The following RNLS variants were observed in gnomAD, a reference collection of about 807,000 sequenced individuals.
The protein encoded by RNLS is renalase.
RNLS carries 39 observed loss-of-function variants against 39.8 expected under a neutral mutation model. The ratio of observed to expected loss-of-function variants is 0.98; its 90% confidence interval spans 0.76 to 1.28. RNLS has a LOEUF of 1.28. Ranked by LOEUF, RNLS falls within the 50% of genes most tolerant of loss-of-function variation. The pLI is 0.00. For missense variants in RNLS, 410 were observed against 413.3 expected (o/e 0.99, Z 0.07); for synonymous variants, 147 against 150.7 (o/e 0.98, Z 0.18).
intron 3 of RNLS, 42 bp from the exon 4 acceptor site, chr10:88,573,103 A>G (rs1389318016): frequency 6.3e-7 from 1 of 1,593,786 alleles, no homozygotes; most frequent in Admixed American, 1.7e-5. Context: ...TCAGAATTGC[A>G]TATATGAATA....
chr10:88,295,001 A>G (rs1843975154), intron 6 of RNLS, among the ~76,000 whole-genome samples: 1 of 152,046 alleles, frequency 6.6e-6, no homozygotes, highest in Non-Finnish European at 1.5e-5. Context: ...ACTCTATCCC[A>G]GTTCCTGAGC....
At position 88,525,660 on chromosome 10, in the gene RNLS, T is replaced by C. The variant is rs370666677; in HGVS notation, c.526+47243A>G. ...CACAGTATCTTAGTAAATTAGATAT[T>C]GTGATTTGTTATTAAGATCTTACAA... On this transcript the variant is annotated intron_variant, in intron 4 of 6. Coordinates refer to ENST00000331772, the MANE Select transcript of RNLS (RefSeq NM_001031709.3). Among the ~76,000 whole-genome samples, 13 of 152,216 alleles carry C rather than the reference T, an allele frequency of 8.5e-5. No individual in the cohort carries two copies. The East Asian group carries it at 1.7e-3, about 20-fold the overall frequency.
At chr10:88,215,849 G>A in the RNLS span, among the ~76,000 whole-genome samples, 2 of 151,898 alleles carry the variant, frequency 1.3e-5, no homozygotes, top group African/African-American at 2.4e-5. Flanking sequence ...ACAGGTGCAC[G>A]CCACCATGCC....
At position 88,314,659 on chromosome 10, in the gene RNLS, C is replaced by T. The variant is rs748300995; in HGVS notation, c.701-18G>A. On this transcript the variant is annotated intron_variant, in intron 5 of 6. Coordinates refer to ENST00000331772, the MANE Select transcript of RNLS (RefSeq NM_001031709.3). ...TGATGACTCTGTGGCATAAGAGGATCATAAAGATGCATCTTAAAGTGGGTA... is the reference window on the plus strand; with the variant it reads ...TGATGACTCTGTGGCATAAGAGGATTATAAAGATGCATCTTAAAGTGGGTA... 1 of 1,603,966 alleles carries T rather than the reference C, an allele frequency of 6.2e-7. No individual in the cohort carries two copies.
chr10:88,239,722 A>T, the RNLS span, among the ~76,000 whole-genome samples: 3 of 152,236 alleles, frequency 2.0e-5, no homozygotes, highest in Non-Finnish European at 4.4e-5. Context: ...TATCTTGCAC[A>T]TACATAATAA....
chr10:88,325,746 T>C (rs1846553355), intron 5 of RNLS, among the ~76,000 whole-genome samples: 4 of 152,200 alleles, frequency 2.6e-5, no homozygotes, highest in Admixed American at 2.6e-4. Context: ...CTCTCTATGA[T>C]TGACATGGTT....
Position 88,582,994 on chromosome 10 carries a change from C to T in RNLS, c.118+79G>A. ...GTATAGCGTTTTCGCCTTAGACTTT[C>T]TTGGGTGCAGGCCCACACCACCTCA... On this transcript the variant is annotated intron_variant, in intron 1 of 6. Coordinates refer to ENST00000331772, the MANE Select transcript of RNLS (RefSeq NM_001031709.3). 2.7e-6 allele frequency: 4 copies of T among 1,493,512 alleles called. No homozygotes were observed. The South Asian group carries it at 5.1e-5, about 19-fold the overall frequency. The allele number at this position is 1,493,512 out of a possible 1,614,324, so 92.5% of individuals were successfully genotyped here. A position where few individuals can be genotyped will look rare whatever the true frequency, so the allele number is the denominator to read the frequency against.
chr10:88,494,360 A>G (rs1185455645), intron 4 of RNLS, among the ~76,000 whole-genome samples: 3 of 152,180 alleles, frequency 2.0e-5, no homozygotes. Context: ...CAGTCATGCC[A>G]TGAACAAGTC....
chr10:88,521,759 TA>T (rs1379304389), intron 4 of RNLS, among the ~76,000 whole-genome samples: 1 of 151,904 alleles, frequency 6.6e-6, no homozygotes, highest in Non-Finnish European at 1.5e-5. Context: ...GAAAAAGAGT[TA>T]AAATTGTGGT....
At chr10:88,219,936 G>A in the RNLS span, among the ~76,000 whole-genome samples, 1 of 152,116 alleles carries the variant, frequency 6.6e-6, no homozygotes, top group African/African-American at 2.4e-5. Flanking sequence ...TCTCCTCTGG[G>A]GAATGGGAAA....
chr10:88,260,185 T>G, the RNLS span, among the ~76,000 whole-genome samples: 1 of 152,184 alleles, frequency 6.6e-6, no homozygotes, highest in African/African-American at 2.4e-5. Context: ...GACCAAGAAA[T>G]TGCCTCAAAG....
intron 5 of RNLS, among the ~76,000 whole-genome samples, chr10:88,337,546 T>C (rs542588101): frequency 6.6e-6 from 1 of 152,296 alleles, no homozygotes; most frequent in African/African-American, 2.4e-5. Context: ...TTGAGGAAAA[T>C]GGTCTTGCTC....
At chr10:88,575,250 C>T (rs1187606520) in intron 3 of RNLS, among the ~76,000 whole-genome samples, 14 of 121,304 alleles carry the variant, frequency 1.2e-4, no homozygotes, top group African/African-American at 4.1e-4. Context: ...ATATATACAC[C>T]AAGGTGTATA....
At chr10:88,238,710 A>G in the RNLS span, among the ~76,000 whole-genome samples, 1 of 152,220 alleles carries the variant, frequency 6.6e-6, no homozygotes, top group Non-Finnish European at 1.5e-5. Context: ...CTGTGGAGCC[A>G]ACATGTTTTA....
intron 4 of RNLS, among the ~76,000 whole-genome samples, chr10:88,564,762 G>A (rs1310839506): frequency 6.6e-6 from 1 of 152,100 alleles, no homozygotes; most frequent in Non-Finnish European, 1.5e-5. Flanking sequence ...AATCATAAGA[G>A]GGTCACAATA....
the RNLS span, among the ~76,000 whole-genome samples, chr10:88,172,839 G>GTTTTTTTTTTTT: frequency 9.5e-5 from 3 of 31,508 alleles, no homozygotes; most frequent in African/African-American, 2.8e-4. Context: ...TGCATTTTGA[G>GTTTTTTTTTTTT]TTGTTTTTTT....
chr10:88,349,465 T>C (rs981013326), intron 5 of RNLS, among the ~76,000 whole-genome samples: 1 of 152,102 alleles, frequency 6.6e-6, no homozygotes, highest in African/African-American at 2.4e-5. Flanking sequence ...AAAAGTCCCC[T>C]CCCCTTTATT....
At chr10:88,438,122 T>TAAA (rs571001948) in intron 4 of RNLS, among the ~76,000 whole-genome samples, 8 of 116,766 alleles carry the variant, frequency 6.9e-5, no homozygotes, top group African/African-American at 2.1e-4. Flanking sequence ...GTGAAACTCC[T>TAAA]AAAAAAAAAA....
chr10:88,516,199 G>C (rs1354937769), intron 4 of RNLS, among the ~76,000 whole-genome samples: 1 of 151,934 alleles, frequency 6.6e-6, no homozygotes, highest in Non-Finnish European at 1.5e-5. Flanking sequence ...GGCAGCCCTA[G>C]CAAACTAACA....
Sources: allele counts gnomAD v4.1 joint callset (sites outside exome capture counted in the v4.1 genomes callset), GRCh38; gene constraint gnomAD v4.1.1; transcripts MANE v1.5; gene names NCBI Gene and HGNC (gene_info 2026-07-23, HGNC 2026-07-21).